Variants in RIMBP2 observed in about 807,000 individuals in gnomAD.
RIMBP2 encodes RIMS binding protein 2.
In RIMBP2, 48 loss-of-function variants were observed where a neutral mutation model predicts 118.6. The observed-to-expected ratio is 0.40, with a 90% CI of 0.32 to 0.51. The LOEUF is 0.51. Among genes scored for constraint, RIMBP2 ranks in the 20% least tolerant of loss-of-function variants. The pLI is 0.41. For missense variants in RIMBP2, 1,551 were observed against 1,768.3 expected, an observed-to-expected ratio of 0.88 and a Z score of 2.20; for synonymous variants, 762 against 742.9, an observed-to-expected ratio of 1.03 and a Z score of -0.42.
intron 19 of RIMBP2, 124 bp downstream of exon 19, chr12:130,412,495 A>T: frequency 1.1e-6 from 1 of 911,196 alleles, no homozygotes; most frequent in Non-Finnish European, 1.7e-6. Context: ...GTCAACATTT[A>T]CATGACTTTG....
chr12:130,492,714 G>A lies in RIMBP2; in HGVS notation c.-3-13698C>T, dbSNP rs141229431. Reference sequence around the variant, plus strand: ...ATGCCATTTCCAACACGTACAGGCTGTGTGCCCTGGGGTGAGTTAGGTACC... The same window carrying A: ...ATGCCATTTCCAACACGTACAGGCTATGTGCCCTGGGGTGAGTTAGGTACC... On this transcript the variant is annotated intron_variant, in intron 4 of 22. Coordinates refer to ENST00000690449, the MANE Select transcript of RIMBP2 (RefSeq NM_001393629.1). Among the ~76,000 whole-genome samples, 782 of 152,342 alleles carry A rather than the reference G, an allele frequency of 5.1e-3. 9 individuals are homozygous for A. The highest frequency in any genetic ancestry group is 0.018 in the African/African-American group (757 of 41,588).
chr12:130,683,321 G>A lies in RIMBP2; in HGVS notation c.-352+32901C>T, dbSNP rs1442221973. On this transcript the variant is annotated intron_variant, in intron 1 of 22. Coordinates refer to ENST00000690449, the MANE Select transcript of RIMBP2 (RefSeq NM_001393629.1). The surrounding 1 kb of genome is among the most constrained non-coding windows in gnomAD (Gnocchi z 4.4). ...AACGCAGGGAGCCAGGCTCCCCACA[G>A]AGCCTCCAGGGGGAAGGCAGCTCTG... is the stretch of plus-strand genomic sequence containing the variant. 6.6e-6 allele frequency among the ~76,000 whole-genome samples: 1 copy of A among 152,214 alleles called. No individual in the cohort carries two copies. Among genetic ancestry groups the A allele is most frequent in the Non-Finnish European group, 1.5e-5 (1 of 68,040 alleles).
At chr12:130,631,135 A>G (rs952812699) in intron 1 of RIMBP2, among the ~76,000 whole-genome samples, 14 of 152,196 alleles carry the variant, frequency 9.2e-5, no homozygotes, top group Non-Finnish European at 1.9e-4. Context: ...GAGACTCAAG[A>G]AAAGCTTTTG....
At chr12:130,667,132 AGAG>A (rs762437601) in intron 1 of RIMBP2, among the ~76,000 whole-genome samples, 12 of 46,568 alleles carry the variant, frequency 2.6e-4, no homozygotes, top group East Asian at 2.4e-3. Context: ...GGAAGGAAGG[AGAG>A]AGGGAGGGAA....
chr12:130,625,655 T>G (rs1206833257), intron 2 of RIMBP2, among the ~76,000 whole-genome samples: 1 of 152,220 alleles, frequency 6.6e-6, no homozygotes, highest in Admixed American at 6.5e-5. Context: ...AATAGCTTAA[T>G]GATGCATCTG....
intron 2 of RIMBP2, among the ~76,000 whole-genome samples, chr12:130,544,724 C>G (rs937959333): frequency 3.3e-5 from 5 of 151,556 alleles, no homozygotes; most frequent in African/African-American, 1.2e-4. Context: ...CTCAGCCTCC[C>G]GAGTAACTGG....
rs954754478 is a variant in RIMBP2 at position 130,688,246 on chromosome 12, G to A, written c.-352+27976C>T. Among the ~76,000 whole-genome samples the A allele has an allele frequency of 3.9e-5, 6 of 152,088 alleles. No homozygotes were observed. Among genetic ancestry groups the A allele is most frequent in the African/African-American group, 1.4e-4 (6 of 41,424 alleles). On this transcript the variant is annotated intron_variant, in intron 1 of 22. Coordinates refer to ENST00000690449, the MANE Select transcript of RIMBP2 (RefSeq NM_001393629.1). This position sits in a 1 kb window ranked among gnomAD's most constrained non-coding sequence, Gnocchi z 4.7. ...GGCCTTGGTGGCATGGGCAACACGT[G>A]CCCAGCTCTGCACCATGGGCACCCG...
chr12:130,535,779 A>ATATATATATATATATATATATATG (rs1566218602), intron 2 of RIMBP2, among the ~76,000 whole-genome samples: 1 of 111,064 alleles, frequency 9.0e-6, no homozygotes, highest in Admixed American at 1.1e-4. Context: ...ATATATATAT[A>ATATATATATATATATATATATATG]TATACACATA....
chr12:130,418,241 A>C (rs567374661), intron 17 of RIMBP2, among the ~76,000 whole-genome samples: 17 of 152,340 alleles, frequency 1.1e-4, no homozygotes, highest in African/African-American at 3.6e-4. Context: ...AAATGTCAGT[A>C]ATTTCTGCCA....
intron 2 of RIMBP2, among the ~76,000 whole-genome samples, chr12:130,590,314 C>T (rs1311545751): frequency 3.3e-5 from 5 of 152,178 alleles, no homozygotes; most frequent in Non-Finnish European, 5.9e-5. Flanking sequence ...CACGTAATTG[C>T]TCCTAATCAA....
At chr12:130,414,456 G>A (rs747275521) in intron 17 of RIMBP2, 150 bp from the exon 18 acceptor site, 21 of 687,658 alleles carry the variant, frequency 3.1e-5, no homozygotes, top group Non-Finnish European at 4.3e-5. Context: ...GAAATAGATC[G>A]GGAGGTCTAG....
At chr12:130,558,072 T>C (rs1052899105) in intron 2 of RIMBP2, among the ~76,000 whole-genome samples, 11 of 152,222 alleles carry the variant, frequency 7.2e-5, no homozygotes, top group Non-Finnish European at 1.0e-4. Context: ...ATAGAATCAA[T>C]GCTCAGTGAT....
intron 1 of RIMBP2, among the ~76,000 whole-genome samples, chr12:130,664,395 A>G (rs1246046625): frequency 8.6e-5 from 11 of 128,612 alleles, no homozygotes; most frequent in East Asian, 2.3e-4. Flanking sequence ...GCATGCACAC[A>G]CACGCACGCA....
intron 2 of RIMBP2, among the ~76,000 whole-genome samples, chr12:130,613,781 T>C (rs1594042237): frequency 8.0e-6 from 1 of 125,016 alleles, no homozygotes; most frequent in Admixed American, 1.0e-4. Context: ...ACCACTGCAC[T>C]CCAGCCTGGG....
chr12:130,676,005 G>T lies in RIMBP2; in HGVS notation c.-352+40217C>A, dbSNP rs1566448197. 5.3e-5 allele frequency among the ~76,000 whole-genome samples: 8 copies of T among 152,234 alleles called. 1 individual carries two copies. In the South Asian group the frequency reaches 1.7e-3, roughly 32 times the overall value. ...TTAGCGCGCCATAAGGGGCTGAAGA[G>T]ACCAGAGCTCCCGACTGCCACCGCG... On this transcript the variant is annotated intron_variant, in intron 1 of 22. Coordinates refer to ENST00000690449, the MANE Select transcript of RIMBP2 (RefSeq NM_001393629.1).
intron 11 of RIMBP2, among the ~76,000 whole-genome samples, chr12:130,439,756 T>G (rs1593302539): frequency 7.0e-6 from 1 of 143,538 alleles, no homozygotes; most frequent in Non-Finnish European, 1.5e-5. Context: ...TCTGTGGGGG[T>G]GTCTGTGTGT....
intron 4 of RIMBP2, 79 bp from the exon 5 acceptor site, chr12:130,479,095 G>C: frequency 3.4e-6 from 4 of 1,189,612 alleles, no homozygotes; most frequent in Non-Finnish European, 4.8e-6. Flanking sequence ...GCACCAAGCT[G>C]GCTCTGACTC....
In RIMBP2 at chr12:130,447,902, C is replaced by T. The variant is rs1374133117; in HGVS notation, c.581+2298G>A. On this transcript the variant is annotated intron_variant, in intron 9 of 22. Coordinates refer to ENST00000690449, the MANE Select transcript of RIMBP2 (RefSeq NM_001393629.1). This position sits in a 1 kb window ranked among gnomAD's most constrained non-coding sequence, Gnocchi z 4.4. The stretch of plus-strand genomic sequence containing the variant: ...AGCGCCCAGGTGAGCAAGAGGCTTT[C>T]GGTTTGCAGAAATGTCTAAGCAGGT... Among the ~76,000 whole-genome samples, 1 of 152,104 alleles carries T rather than the reference C, an allele frequency of 6.6e-6. No individual in the cohort carries two copies. The highest frequency in any genetic ancestry group is 1.5e-5 in the Non-Finnish European group (1 of 68,020).
chr12:130,661,475 A>G (rs553506785), intron 1 of RIMBP2, among the ~76,000 whole-genome samples: 9 of 152,328 alleles, frequency 5.9e-5, no homozygotes, highest in Non-Finnish European at 4.4e-5. Flanking sequence ...AAGAATCTAC[A>G]CACAGTATTT....
Sources: gnomAD v4.1 joint callset for allele counts (sites outside exome capture counted in the v4.1 genomes callset) on GRCh38, gnomAD v4.1.1 for gene constraint, Gnocchi (gnomAD v3.1) non-coding constraint, MANE v1.5 for transcripts, NCBI Gene and HGNC (gene_info 2026-07-23, HGNC 2026-07-21) for gene names.